The following MTSS2 variants were observed in gnomAD, a reference collection of about 807,000 sequenced individuals.
The protein encoded by MTSS2 is MTSS I-BAR domain containing 2, also known as protein MTSS 2.
MTSS2 carries 27 observed loss-of-function variants against 67.1 expected under a neutral mutation model. That is an observed-to-expected ratio of 0.40 (90% CI 0.30 to 0.55). The LOEUF (loss-of-function observed/expected upper bound fraction) is 0.55. Among genes scored for constraint, MTSS2 ranks in the 20% least tolerant of loss-of-function variants. The pLI is 0.43. For missense variants in MTSS2, 1,171 were observed against 1,067.8 expected (o/e 1.10, Z -1.35); for synonymous variants, 624 against 468.6 (o/e 1.33, Z -4.28).
intron 7 of MTSS2, 148 bp downstream of exon 7, chr16:70,679,167 G>A (rs2053216913): frequency 1.0e-6 from 1 of 974,240 alleles, no homozygotes; most frequent in Non-Finnish European, 1.6e-6. Flanking sequence ...CAGGGGGACT[G>A]TGCCCCAGGC....
chr16:70,678,791 G>A (rs925033846), intron 7 of MTSS2, among the ~76,000 whole-genome samples: 2 of 152,200 alleles, frequency 1.3e-5, no homozygotes, highest in African/African-American at 2.4e-5. Context: ...GGGCAGAAGC[G>A]GGACAAGAGA....
rs771569883 is a variant in MTSS2, at chr16:70,661,284, G to T, written c.*2393C>A. On this transcript the variant is annotated 3_prime_UTR_variant, in exon 15 of 15. Coordinates refer to ENST00000338779, the MANE Select transcript of MTSS2 (RefSeq NM_138383.3). ...TTGTAGCAGTGACTATATTTAAATC[G>T]GGGAGGATGGTGTGGAGGGGGCGGG... 2.2e-6 allele frequency: 1 copy of T among 455,466 alleles called. No homozygotes were observed. Among genetic ancestry groups the T allele is most frequent in the Non-Finnish European group, 4.4e-6 (1 of 226,720 alleles). 28.2% of individuals were successfully genotyped at this position (455,466 alleles called of 1,614,324 possible).
At chr16:70,665,754 C>T in intron 11 of MTSS2, 1 of 495,774 alleles carries the variant, frequency 2.0e-6, no homozygotes, top group Non-Finnish European at 3.6e-6. Context: ...TGAACGCTGA[C>T]CCACCTGACA....
At position 70,678,395 on chromosome 16, in the gene MTSS2, G is replaced by T. The variant is rs1293097712; in HGVS notation, c.481C>A (p.Gln161Lys). The part of the protein sequence containing the change: ...RKELLGKGDL[Q>K]PQLDSALQDV... ...TGCAGGGCACTGTCCAGCTGGGGCT[G>T]CAGGTCTCCTTTCCCTGGAGGGGTG... Residue 161 changes from glutamine to lysine, a missense_variant, in exon 8 of 15, where the codon CAG becomes AAG. Around this residue, in one of 2 missense-constraint regions of MTSS2, gnomAD observed 247 missense variants for 311.8 expected, o/e 0.79. Coordinates refer to ENST00000338779, the MANE Select transcript of MTSS2 (RefSeq NM_138383.3). The T allele has an allele frequency of 6.2e-7, 1 of 1,611,114 alleles. No homozygotes were observed.
chr16:70,668,228 C>T (rs2052793986), intron 11 of MTSS2, among the ~76,000 whole-genome samples: 2 of 151,908 alleles, frequency 1.3e-5, no homozygotes, highest in Non-Finnish European at 2.9e-5. Context: ...GCCTGGCCAA[C>T]ATGACAAAAC....
chr16:70,663,529 C>T lies in MTSS2; in HGVS notation c.*148G>A, dbSNP rs2151902300. On this transcript the variant is annotated 3_prime_UTR_variant, in exon 15 of 15. Transcript: ENST00000338779. ...CACTTCCTGTTTAAATGCTGGAATC[C>T]AAGTGAGGTGTCTTTCCATAAAGTG... 2 of 1,362,830 alleles carry T rather than the reference C, an allele frequency of 1.5e-6. No individual in the cohort carries two copies. Among genetic ancestry groups the T allele is most frequent in the South Asian group, 1.5e-5 (1 of 64,988 alleles). The allele number at this position is 1,362,830 out of a possible 1,614,324, so 84.4% of individuals were successfully genotyped here.
intron 11 of MTSS2, among the ~76,000 whole-genome samples, chr16:70,666,845 C>G (rs542231809): frequency 6.6e-6 from 1 of 152,200 alleles, no homozygotes; most frequent in East Asian, 1.9e-4. Context: ...AGAATATCTA[C>G]AAATGCATTG....
chr16:70,679,925 ACGCCCCGT>A (rs1399740107), intron 4 of MTSS2, 38 bp downstream of exon 4: 12 of 1,463,950 alleles, frequency 8.2e-6, no homozygotes, highest in Non-Finnish European at 1.1e-5. Flanking sequence ...CTCCCCCGCG[ACGCCCCGT>A]CCCCCCGCCC....
At position 70,679,639 on chromosome 16, in the gene MTSS2, CCTT is replaced by C. The variant is rs1567504383; in HGVS notation, c.445_447del (p.Lys149del). The C allele has an allele frequency of 6.2e-6, 10 of 1,605,378 alleles. No homozygotes were observed. The highest frequency in any genetic ancestry group is 6.8e-6 in the Non-Finnish European group (8 of 1,176,236). On this transcript the variant is annotated inframe_deletion, in exon 6 of 15. Coordinates refer to ENST00000338779, the MANE Select transcript of MTSS2 (RefSeq NM_138383.3). ...CCGCGCCAGGCACTACCTTTGCGCG[CCTT>C]CTTCTGCAGCTTCAGCGTGTCCGAC... is the stretch of plus-strand genomic sequence containing the variant.
Position 70,665,106 on chromosome 16 carries a change from G to A in MTSS2, c.1129-10C>T, listed in dbSNP as rs9938687. 0.013 allele frequency: 21,041 copies of A among 1,585,846 alleles called. 2,051 individuals are homozygous for A. In the African/African-American group the frequency reaches 0.23, roughly 17 times the overall value. ...CGACCTTGGACCAGTCCTGCAGGGAGGGTGTGGCAGGTCAGGGGGACCACT... is the reference window on the plus strand; with the variant it reads ...CGACCTTGGACCAGTCCTGCAGGGAAGGTGTGGCAGGTCAGGGGGACCACT... On this transcript the variant is annotated splice_polypyrimidine_tract_variant and intron_variant, in intron 12 of 14. Transcript: ENST00000338779.
At position 70,662,588 on chromosome 16, in the gene MTSS2, G is replaced by A. The variant is rs1340365749; in HGVS notation, c.*1089C>T. On this transcript the variant is annotated 3_prime_UTR_variant, in exon 15 of 15. Transcript: ENST00000338779. ...TTATTTTGGCTACGCTCGAGACACT[G>A]GAGAGAACAGTAGCTTCCACCGGGC... 6.6e-6 allele frequency: 1 copy of A among 152,532 alleles called. No homozygotes were observed. The highest frequency in any genetic ancestry group is 1.9e-4 in the East Asian group (1 of 5,162). The allele number at this position is 152,532 out of a possible 1,614,324, so 9.4% of individuals were successfully genotyped here.
rs1167592516 is a variant in MTSS2, at chr16:70,664,104, C to T, written c.1817G>A (p.Gly606Glu). The T allele has an allele frequency of 3.1e-6, 5 of 1,611,828 alleles. No homozygotes were observed. The highest frequency in any genetic ancestry group is 4.2e-6 in the Non-Finnish European group (5 of 1,179,662). The change falls in exon 15 of 15, where the codon GGG (glycine) becomes GAG (glutamate). Residue 606 changes from glycine (G) to glutamate (E), a missense_variant. This residue lies in a region of MTSS2 where 924 missense variants were observed against 756.0 expected (regional missense o/e 1.22). Transcript: ENST00000338779. ...PTVPDSPGYM[G>E]PTRAGSEECV... ...CTCCTCACTGCCCGCCCGTGTGGGC[C>T]CCATGTAGCCGGGGGAGTCAGGCAC...
At position 70,667,947 on chromosome 16, in the gene MTSS2, A is replaced by G. The variant is rs532035907; in HGVS notation, c.1054-2407T>C. On this transcript the variant is annotated intron_variant, in intron 11 of 14. Coordinates refer to ENST00000338779, the MANE Select transcript of MTSS2 (RefSeq NM_138383.3). Reference sequence around the variant, plus strand: ...CAGTAAAGCCTAAACAAACAGAGGGATATCTGCAATTCCATTCAAATCCCA... The same window carrying G: ...CAGTAAAGCCTAAACAAACAGAGGGGTATCTGCAATTCCATTCAAATCCCA... 2.0e-5 allele frequency among the ~76,000 whole-genome samples: 3 copies of G among 151,552 alleles called. No individual in the cohort carries two copies. In the South Asian group the frequency reaches 6.3e-4, roughly 32 times the overall value.
intron 10 of MTSS2, among the ~76,000 whole-genome samples, chr16:70,674,926 A>G (rs1262174762): frequency 6.6e-6 from 1 of 152,184 alleles, no homozygotes; most frequent in East Asian, 1.9e-4. Flanking sequence ...CAGCCTGGAG[A>G]ACATAGCGAA....
chr16:70,679,908 G>A (rs1243623088), intron 4 of MTSS2, 31 bp from the exon 5 acceptor site: 8 of 1,561,250 alleles, frequency 5.1e-6, no homozygotes, highest in Non-Finnish European at 6.0e-6. Context: ...CGCAGGTCAG[G>A]GCCGGGCTCC....
chr16:70,681,784 T>C (rs2053312102), intron 1 of MTSS2, among the ~76,000 whole-genome samples: 1 of 152,006 alleles, frequency 6.6e-6, no homozygotes, highest in Non-Finnish European at 1.5e-5. Flanking sequence ...AATAGGGAGG[T>C]CGGGCTCCTG....
Position 70,661,592 on chromosome 16 carries a change from C to T in MTSS2, c.*2085G>A, listed in dbSNP as rs2052472477. On this transcript the variant is annotated 3_prime_UTR_variant, in exon 15 of 15. Coordinates refer to ENST00000338779, the MANE Select transcript of MTSS2 (RefSeq NM_138383.3). Reference sequence around the variant, plus strand: ...TGATGTGGGATGGTTGGCTCGGATCCCGAGGTGGGTGGGCCTATGAGGTGG... The same window carrying T: ...TGATGTGGGATGGTTGGCTCGGATCTCGAGGTGGGTGGGCCTATGAGGTGG... 1 of 351,522 alleles carries T rather than the reference C, an allele frequency of 2.8e-6. No individual in the cohort carries two copies. Among genetic ancestry groups the T allele is most frequent in the Admixed American group, 4.0e-5 (1 of 25,148 alleles). 21.8% of individuals were successfully genotyped at this position (351,522 alleles called of 1,614,324 possible).
In MTSS2 at chr16:70,685,783, C is replaced by A; in HGVS notation, c.9G>T (p.Thr3=). The stretch of plus-strand genomic sequence containing the variant: ...CCAGGGCGCCGCACTCCTTCTCCGC[C>A]GTCTCCATGCTCTGGCTGGGCCGGG... The part of the protein sequence containing the change: ME[T]AEKECGALGG... Residue 3 remains threonine (T), a synonymous_variant, in exon 1 of 15, where the codon ACG becomes ACT. Coordinates refer to ENST00000338779, the MANE Select transcript of MTSS2 (RefSeq NM_138383.3). 3 of 1,365,778 alleles carry A rather than the reference C, an allele frequency of 2.2e-6. No individual in the cohort carries two copies. Among genetic ancestry groups the A allele is most frequent in the Non-Finnish European group, 1.9e-6 (2 of 1,038,954 alleles). The allele number at this position is 1,365,778 out of a possible 1,614,324, so 84.6% of individuals were successfully genotyped here. A position where few individuals can be genotyped will look rare whatever the true frequency, so the allele number is the denominator to read the frequency against.
Position 70,664,117 on chromosome 16 carries a change from G to A in MTSS2, c.1804C>T (p.Pro602Ser), listed in dbSNP as rs1269248502. 3.7e-6 allele frequency: 6 copies of A among 1,611,606 alleles called. No homozygotes were observed. The East Asian group carries it at 1.3e-4, about 36-fold the overall frequency. ...PVKTPTVPDS[P>S]GYMGPTRAGS... ...GCCCGTGTGGGCCCCATGTAGCCGG[G>A]GGAGTCAGGCACCGTGGGCGTCTTC... The change falls in exon 15 of 15, where the codon CCC becomes TCC. Residue 602 changes from proline to serine, a missense_variant. Transcript: ENST00000338779.
Sources: gnomAD v4.1 joint callset for allele counts (sites outside exome capture counted in the v4.1 genomes callset) on GRCh38, gnomAD v4.1.1 for gene constraint, gnomAD v4.1.1 regional missense constraint, MANE v1.5 for transcripts, NCBI Gene and HGNC (gene_info 2026-07-23, HGNC 2026-07-21) for gene names.